The following ITGA4 variants were observed in gnomAD, a reference collection of about 807,000 sequenced individuals.
ITGA4 encodes integrin subunit alpha 4.
Under a neutral mutation model 133.6 loss-of-function variants are expected in ITGA4, and 63 were observed. That is an observed-to-expected ratio of 0.47 (90% CI 0.38 to 0.58). The LOEUF (loss-of-function observed/expected upper bound fraction) is 0.58. Among genes scored for constraint, ITGA4 ranks in the 20% least tolerant of loss-of-function variants. The probability of loss-of-function intolerance (pLI) is 0.00; values close to 1 mark genes in which losing one functional copy is unlikely to be tolerated. For missense variants in ITGA4, 1,076 were observed against 1,252.7 expected (o/e 0.86, Z 2.13); for synonymous variants, 483 against 438.0 (o/e 1.10, Z -1.28).
chr2:181,497,132 C>T (rs879287290), intron 14 of ITGA4, among the ~76,000 whole-genome samples: 4 of 152,130 alleles, frequency 2.6e-5, no homozygotes, highest in Admixed American at 6.5e-5. Context: ...GTAAATTACA[C>T]AGTAACACAG....
At chr2:181,535,256 C>T (rs1429175293) in intron 27 of ITGA4, among the ~76,000 whole-genome samples, 176 bp from the exon 28 acceptor site, 1 of 152,042 alleles carries the variant, frequency 6.6e-6, no homozygotes, top group Non-Finnish European at 1.5e-5. Context: ...GTTTCTTTAA[C>T]CCAGTATGTC....
Position 181,537,155 on chromosome 2 carries a change from G to A in ITGA4, c.*1628G>A, listed in dbSNP as rs1163691604. On this transcript the variant is annotated 3_prime_UTR_variant, in exon 28 of 28. Coordinates refer to ENST00000397033, the MANE Select transcript of ITGA4 (RefSeq NM_000885.6). ...ACTTTGTATCGTTATAAAAAGGCTA[G>A]TCATTCTTTCAGGAGAACATCTAGG... is the stretch of plus-strand genomic sequence containing the variant. 2.2e-6 allele frequency: 1 copy of A among 453,718 alleles called. No individual in the cohort carries two copies. Among genetic ancestry groups the A allele is most frequent in the Non-Finnish European group, 4.4e-6 (1 of 226,660 alleles). 28.1% of individuals were successfully genotyped at this position (453,718 alleles called of 1,614,324 possible).
In ITGA4 at chr2:181,530,642, G is replaced by A. The variant is rs1032901491; in HGVS notation, c.2657G>A (p.Arg886Lys). Reference protein sequence around the residue: ...IVRFLSKTDKRLLYCIKADPH... With the variant: ...IVRFLSKTDKKLLYCIKADPH... ...CGGTTCTTGTCCAAGACTGATAAGA[G>A]GCTATTGGTAAGTTTCAGTTTTTCA... Residue 886 changes from arginine to lysine, a missense_variant, in exon 24 of 28, where the codon AGG (arginine) becomes AAG (lysine). Physicochemically the swap from Arg to Lys is conservative, Grantham distance 26. Around this residue, in one of 4 missense-constraint regions of ITGA4, gnomAD observed 193 missense variants for 172.3 expected, o/e 1.12. Coordinates refer to ENST00000397033, the MANE Select transcript of ITGA4 (RefSeq NM_000885.6). The A allele has an allele frequency of 6.2e-6, 10 of 1,610,272 alleles. No individual in the cohort carries two copies. Among genetic ancestry groups the A allele is most frequent in the East Asian group, 4.5e-5 (2 of 44,790 alleles).
Position 181,523,514 on chromosome 2 carries a change from T to C in ITGA4, c.2151T>C (p.Tyr717=). ...TTGACTGCAGTATTGGCTATATATA[T>C]GTAGATCATCTCTCAAGGGTAAGTG... ...VQLDCSIGYI[Y]VDHLSRIDIS... is the part of the protein sequence containing the mutation. The change falls in exon 19 of 28, where the codon TAT becomes TAC. Residue 717 remains tyrosine (Y), a synonymous_variant. Transcript: ENST00000397033. The surrounding 1 kb of genome is among the most constrained non-coding windows in gnomAD (Gnocchi z 4.2). The C allele has an allele frequency of 6.3e-7, 1 of 1,583,002 alleles. No individual in the cohort carries two copies. Among genetic ancestry groups the C allele is most frequent in the South Asian group, 1.1e-5 (1 of 90,372 alleles).
At position 181,526,821 on chromosome 2, in the gene ITGA4, C is replaced by CTTTTTTTTTT. The variant is rs538208494; in HGVS notation, c.2340-453_2340-444dup. Reference sequence around the variant, plus strand: ...TGTCACCCAGGTCAGAGCACATGGCCTTTTTTTTTTTTTTTTTTTTTTTTT... The same window carrying CTTTTTTTTTT: ...TGTCACCCAGGTCAGAGCACATGGCCTTTTTTTTTTTTTTTTTTTTTTTTTTTTTTTTTTT... On this transcript the variant is annotated intron_variant, in intron 21 of 27. Transcript: ENST00000397033. Among the ~76,000 whole-genome samples the CTTTTTTTTTT allele has an allele frequency of 2.6e-3, 106 of 41,002 alleles. 37 individuals carry two copies. The highest frequency in any genetic ancestry group is 3.2e-3 in the South Asian group (2 of 628). 26.9% of individuals were successfully genotyped at this position (41,002 alleles called of 152,430 possible).
rs766990555 is a variant in ITGA4, at chr2:181,529,495, T to G, written c.2431-46T>G. On this transcript the variant is annotated intron_variant, in intron 22 of 27. Transcript: ENST00000397033. Reference sequence around the variant, plus strand: ...AGCTCACTGATATCTGTACTTACATTTATAGAAAACATTTAATTTGTTAAA... The same window carrying G: ...AGCTCACTGATATCTGTACTTACATGTATAGAAAACATTTAATTTGTTAAA... The G allele has an allele frequency of 3.2e-6, 3 of 942,574 alleles. No individual in the cohort carries two copies. In the South Asian group the frequency reaches 4.1e-5, roughly 13 times the overall value. The allele number at this position is 942,574 out of a possible 1,614,324, so 58.4% of individuals were successfully genotyped here. A position where few individuals can be genotyped will look rare whatever the true frequency, so the allele number is the denominator to read the frequency against.
At chr2:181,479,066 C>A (rs764569058) in intron 5 of ITGA4, 6 of 295,740 alleles carry the variant, frequency 2.0e-5, no homozygotes, top group Non-Finnish European at 2.5e-5. Context: ...AAGAACATTT[C>A]TTTCATCAAC....
intron 15 of ITGA4, 90 bp downstream of exon 15, chr2:181,498,867 T>C: frequency 6.9e-7 from 1 of 1,454,484 alleles, no homozygotes; most frequent in Non-Finnish European, 9.1e-7. Flanking sequence ...TTTTATAAAA[T>C]GTAGATAAAA....
intron 2 of ITGA4, among the ~76,000 whole-genome samples, chr2:181,468,313 T>C (rs1407846805): frequency 6.6e-6 from 1 of 152,184 alleles, no homozygotes; most frequent in Non-Finnish European, 1.5e-5. Context: ...GGGAGAATCA[T>C]AGTAAAGAGA....
chr2:181,535,707 G>C lies in ITGA4; in HGVS notation c.*180G>C. 1.5e-6 allele frequency: 1 copy of C among 652,514 alleles called. No homozygotes were observed. Among genetic ancestry groups the C allele is most frequent in the Non-Finnish European group, 2.4e-6 (1 of 421,170 alleles). The allele number at this position is 652,514 out of a possible 1,614,324, so 40.4% of individuals were successfully genotyped here. ...GCAATGATTACTCTTTGAGATAGAAGAACTGCAAAGGTAATAATACAGCCA... is the reference window on the plus strand; with the variant it reads ...GCAATGATTACTCTTTGAGATAGAACAACTGCAAAGGTAATAATACAGCCA... On this transcript the variant is annotated 3_prime_UTR_variant, in exon 28 of 28. Coordinates refer to ENST00000397033, the MANE Select transcript of ITGA4 (RefSeq NM_000885.6).
At chr2:181,501,567 G>A (rs1162624448) in intron 15 of ITGA4, among the ~76,000 whole-genome samples, 1 of 152,182 alleles carries the variant, frequency 6.6e-6, no homozygotes, top group East Asian at 1.9e-4. Context: ...ACACAGGTGA[G>A]AGGATGGTTC....
chr2:181,512,785 T>G (rs936506095), intron 17 of ITGA4, among the ~76,000 whole-genome samples: 4 of 152,094 alleles, frequency 2.6e-5, no homozygotes. Flanking sequence ...GAACTCTCAG[T>G]GCAGAAGTAG....
Position 181,523,622 on chromosome 2 carries a change from A to AT in ITGA4, c.2169+90_2169+91insT. The stretch of plus-strand genomic sequence containing the variant: ...CTTTAGGTTGCATAGAAAATATTAT[A>AT]AATATTTTAGCTTGGGGTAGGTAGC... On this transcript the variant is annotated intron_variant, in intron 19 of 27. Transcript: ENST00000397033. The surrounding 1 kb of genome is among the most constrained non-coding windows in gnomAD (Gnocchi z 4.2). 1.4e-6 allele frequency: 1 copy of AT among 703,810 alleles called. No individual in the cohort carries two copies. The highest frequency in any genetic ancestry group is 2.4e-6 in the Non-Finnish European group (1 of 409,046). 43.6% of individuals were successfully genotyped at this position (703,810 alleles called of 1,614,324 possible). A position where few individuals can be genotyped will look rare whatever the true frequency, so the allele number is the denominator to read the frequency against.
intron 9 of ITGA4, among the ~76,000 whole-genome samples, chr2:181,484,443 A>G (rs1685871323): frequency 1.3e-5 from 2 of 152,082 alleles, no homozygotes; most frequent in Admixed American, 6.6e-5. Flanking sequence ...TCTTAAGTCT[A>G]TACCTTGTCT....
intron 23 of ITGA4, 104 bp downstream of exon 23, chr2:181,529,752 GTTAAC>G: frequency 1.6e-6 from 1 of 638,856 alleles, no homozygotes. Context: ...ATGGATAATT[GTTAAC>G]TTACTTCAGT....
intron 14 of ITGA4, among the ~76,000 whole-genome samples, chr2:181,496,858 C>T (rs533535158): frequency 1.1e-4 from 16 of 152,254 alleles, no homozygotes; most frequent in African/African-American, 3.9e-4. Flanking sequence ...ACCCTGCAGG[C>T]TGCTGTTATC....
chr2:181,496,993 A>G (rs1489694289), intron 14 of ITGA4, among the ~76,000 whole-genome samples: 1 of 152,202 alleles, frequency 6.6e-6, no homozygotes, highest in East Asian at 1.9e-4. Context: ...TGGCATCTCT[A>G]CTTTAGATCA....
At position 181,534,847 on chromosome 2, in the gene ITGA4, C is replaced by T. The variant is rs772102728; in HGVS notation, c.2915C>T (p.Pro972Leu). The change falls in exon 27 of 28, where the codon CCC becomes CTC. Residue 972 changes from proline to leucine, a missense_variant. Around this residue, in one of 4 missense-constraint regions of ITGA4, gnomAD observed 193 missense variants for 172.3 expected, o/e 1.12. Coordinates refer to ENST00000397033, the MANE Select transcript of ITGA4 (RefSeq NM_000885.6). The stretch of plus-strand genomic sequence containing the variant: ...CTGGAAGGACTACATCATCAAAGAC[C>T]CAAACGTTATTTCACCATAGTGATT... ...VLLEGLHHQR[P>L]KRYFTIVIIS... 6.3e-7 allele frequency: 1 copy of T among 1,599,674 alleles called. No individual in the cohort carries two copies. Among genetic ancestry groups the T allele is most frequent in the Admixed American group, 1.8e-5 (1 of 56,702 alleles).
intron 2 of ITGA4, among the ~76,000 whole-genome samples, chr2:181,463,148 G>A (rs140207661): frequency 1.3e-5 from 2 of 152,298 alleles, no homozygotes; most frequent in East Asian, 1.9e-4. Context: ...AGCAAACTGT[G>A]TGTATAAAGA....
Sources: allele counts gnomAD v4.1 joint callset (sites outside exome capture counted in the v4.1 genomes callset), GRCh38; gene constraint gnomAD v4.1.1; regional missense constraint gnomAD v4.1.1; non-coding constraint Gnocchi (gnomAD v3.1); transcripts MANE v1.5; gene names NCBI Gene and HGNC (gene_info 2026-07-23, HGNC 2026-07-21).